The following FRYL variants were observed in gnomAD, a reference collection of about 807,000 sequenced individuals.
The protein encoded by FRYL is protein furry homolog-like.
FRYL carries 150 observed loss-of-function variants against 351.2 expected under a neutral mutation model. The observed-to-expected ratio is 0.43, with a 90% CI of 0.37 to 0.49. FRYL has a LOEUF of 0.49. Ranked by LOEUF, FRYL falls within the 20% of genes least tolerant of loss-of-function variation. FRYL has a pLI of 0.00. For missense variants in FRYL, 3,036 were observed against 3,619.3 expected (o/e 0.84, Z 4.13); for synonymous variants, 1,153 against 1,257.1 (o/e 0.92, Z 1.75).
At chr4:48,601,611 T>C (rs765393642) in intron 13 of FRYL, among the ~76,000 whole-genome samples, 3 of 152,194 alleles carry the variant, frequency 2.0e-5, no homozygotes, top group Non-Finnish European at 4.4e-5. Context: ...AATGTGATTT[T>C]AGTGATATTA....
chr4:48,724,386 G>A (rs1769845312), intron 1 of FRYL, among the ~76,000 whole-genome samples: 1 of 152,088 alleles, frequency 6.6e-6, no homozygotes, highest in South Asian at 2.1e-4. Context: ...CCCTGGGCAT[G>A]GCTTGCTCCC....
intron 1 of FRYL, among the ~76,000 whole-genome samples, chr4:48,718,026 T>C (rs1253188742): frequency 2.0e-5 from 3 of 151,720 alleles, no homozygotes; most frequent in Admixed American, 1.3e-4. Flanking sequence ...AAAACCAGAT[T>C]ACTGGCAATC....
chr4:48,554,717 T>C (rs1733699900), intron 35 of FRYL, among the ~76,000 whole-genome samples: 1 of 152,202 alleles, frequency 6.6e-6, no homozygotes, highest in Non-Finnish European at 1.5e-5. Flanking sequence ...TACTTGCTAA[T>C]TCTCTCTATT....
chr4:48,779,010 C>CCT lies in FRYL; in HGVS notation c.-384+1067_-384+1068insAG, dbSNP rs397751683. Among the ~76,000 whole-genome samples the CCT allele has an allele frequency of 4.5e-4, 68 of 151,602 alleles. No homozygotes were observed. The South Asian group carries it at 0.013, about 29-fold the overall frequency. ...CAGCACACACCCTAACCCCCACCCC[C>CCT]TTTTTTTTCTTTTCAAATCTTGGCC... On this transcript the variant is annotated intron_variant, in intron 1 of 63. Coordinates refer to ENST00000358350, the MANE Select transcript of FRYL (RefSeq NM_015030.2).
At chr4:48,742,902 G>A (rs550422994) in intron 1 of FRYL, among the ~76,000 whole-genome samples, 24 of 150,346 alleles carry the variant, frequency 1.6e-4, no homozygotes, top group Non-Finnish European at 1.3e-4. Flanking sequence ...CACTTCCTGG[G>A]GTCAAGTGAT....
rs143196870 is a variant in FRYL, at chr4:48,727,771, C to A, written c.-383-17073G>T. ...TAACTTGCTAACTACCCCTAACTAACTTGGGGGTAGGTTAATACCTAATCC... is the reference window on the plus strand; with the variant it reads ...TAACTTGCTAACTACCCCTAACTAAATTGGGGGTAGGTTAATACCTAATCC... On this transcript the variant is annotated intron_variant, in intron 1 of 63. Coordinates refer to ENST00000358350, the MANE Select transcript of FRYL (RefSeq NM_015030.2). Among the ~76,000 whole-genome samples the A allele has an allele frequency of 2.6e-5, 4 of 152,316 alleles. No homozygotes were observed. The East Asian group carries it at 7.7e-4, about 29-fold the overall frequency.
chr4:48,669,005 C>T (rs1762215411), intron 3 of FRYL, among the ~76,000 whole-genome samples: 1 of 152,152 alleles, frequency 6.6e-6, no homozygotes, highest in Non-Finnish European at 1.5e-5. Flanking sequence ...TTAACCTATT[C>T]TACTCTTCTT....
At chr4:48,517,865 T>C (rs1723977156) in intron 55 of FRYL, among the ~76,000 whole-genome samples, 2 of 152,176 alleles carry the variant, frequency 1.3e-5, no homozygotes, top group Non-Finnish European at 2.9e-5. Context: ...ATTTCACCCA[T>C]CAAAATTAAT....
At chr4:48,687,556 A>C (rs1765279778) in intron 2 of FRYL, among the ~76,000 whole-genome samples, 1 of 151,854 alleles carries the variant, frequency 6.6e-6, no homozygotes, top group African/African-American at 2.4e-5. Flanking sequence ...TACACAAAGC[A>C]AAAGAAAGCT....
At chr4:48,688,942 T>C (rs962461274) in intron 2 of FRYL, among the ~76,000 whole-genome samples, 1 of 152,038 alleles carries the variant, frequency 6.6e-6, no homozygotes, top group Non-Finnish European at 1.5e-5. Flanking sequence ...GGGATTACAG[T>C]GTGAGCTACC....
At position 48,540,796 on chromosome 4, in the gene FRYL, C is replaced by T. The variant is rs764039685; in HGVS notation, c.5852G>A (p.Arg1951Gln). The change falls in exon 46 of 64, where the codon CGA becomes CAA. Residue 1951 changes from arginine (R) to glutamine (Q), a missense_variant. Arg to Gln is a conservative substitution (Grantham distance 43). Around this residue, in one of 7 missense-constraint regions of FRYL, gnomAD observed 1,987 missense variants for 2,311.7 expected, o/e 0.86. Transcript: ENST00000358350. The stretch of plus-strand genomic sequence containing the variant: ...TGTGTTACTCCGCCGCCGGTCACCT[C>T]GTCGGTCACCAATCAAACTTAATCT... ...SLRLSLIGDRRGDRRRSNTLD... is the reference protein window; with the variant it reads ...SLRLSLIGDRQGDRRRSNTLD... The T allele has an allele frequency of 1.4e-5, 22 of 1,613,860 alleles. No individual in the cohort carries two copies. The highest frequency in any genetic ancestry group is 1.9e-5 in the Non-Finnish European group (22 of 1,179,924).
chr4:48,702,588 C>T (rs1291122401), intron 2 of FRYL, among the ~76,000 whole-genome samples: 2 of 149,480 alleles, frequency 1.3e-5, no homozygotes, highest in Non-Finnish European at 3.0e-5. Context: ...ATGGTGAAAC[C>T]CCGTCTCTAC....
At chr4:48,587,105 T>C (rs1278546751) in intron 18 of FRYL, among the ~76,000 whole-genome samples, 3 of 152,010 alleles carry the variant, frequency 2.0e-5, no homozygotes, top group Non-Finnish European at 4.4e-5. Flanking sequence ...ATTAAATAAC[T>C]AAATACTGGT....
chr4:48,715,488 CAGAG>C (rs1392203893), intron 1 of FRYL, among the ~76,000 whole-genome samples: 6 of 151,594 alleles, frequency 4.0e-5, no homozygotes, highest in Non-Finnish European at 7.4e-5. Context: ...AACAGACAAA[CAGAG>C]AGCCAAATCA....
chr4:48,644,587 T>C (rs989624487), intron 3 of FRYL, among the ~76,000 whole-genome samples: 2 of 148,844 alleles, frequency 1.3e-5, no homozygotes, highest in Admixed American at 1.3e-4. Context: ...CTAGTAAAAA[T>C]GTTGAAACAG....
chr4:48,656,137 T>A (rs1290206691), intron 3 of FRYL, among the ~76,000 whole-genome samples: 3 of 135,610 alleles, frequency 2.2e-5, no homozygotes, highest in Non-Finnish European at 3.0e-5. Flanking sequence ...ATATACAATA[T>A]ATACATTATA....
chr4:48,616,709 C>G (rs1749534466), intron 7 of FRYL, among the ~76,000 whole-genome samples: 2 of 152,136 alleles, frequency 1.3e-5, no homozygotes, highest in South Asian at 4.1e-4. Flanking sequence ...TACATGAGGT[C>G]AAAGTCTAAC....
At chr4:48,737,811 C>G (rs1030016291) in intron 1 of FRYL, among the ~76,000 whole-genome samples, 15 of 152,150 alleles carry the variant, frequency 9.9e-5, no homozygotes, top group African/African-American at 3.6e-4. Context: ...AAAGCTGGCT[C>G]AACATTTAAA....
Position 48,572,759 on chromosome 4 carries a change from C to A in FRYL, c.2904+427G>T, listed in dbSNP as rs1578176953. Among the ~76,000 whole-genome samples the A allele has an allele frequency of 2.6e-5, 4 of 152,342 alleles. No homozygotes were observed. The East Asian group carries it at 7.7e-4, about 29-fold the overall frequency. On this transcript the variant is annotated intron_variant, in intron 26 of 63. Transcript: ENST00000358350. ...GGAATCTAGGCTCAGTCTTGTGAAA[C>A]TACATCCCATGGGCCAAATCTGGCC...
Sources: gnomAD v4.1 joint callset for allele counts (sites outside exome capture counted in the v4.1 genomes callset) on GRCh38, gnomAD v4.1.1 for gene constraint, gnomAD v4.1.1 regional missense constraint, MANE v1.5 for transcripts, NCBI Gene and HGNC (gene_info 2026-07-23, HGNC 2026-07-21) for gene names.